SYTL5: variants seen among roughly 807,000 people sequenced by gnomAD.
SYTL5 encodes synaptotagmin like 5.
A neutral mutation model predicts 55.9 loss-of-function variants in SYTL5; 34 were observed. The ratio of observed to expected loss-of-function variants is 0.61; its 90% confidence interval spans 0.46 to 0.81. The LOEUF (loss-of-function observed/expected upper bound fraction) is 0.81. SYTL5 is among the 30% of genes least tolerant of loss of function. The probability of loss-of-function intolerance (pLI) is 0.00; values close to 1 mark genes in which losing one functional copy is unlikely to be tolerated. For synonymous variants in SYTL5, 221 were observed against 188.7 expected (o/e 1.17, Z -1.40); for missense variants, 637 against 546.7 (o/e 1.17, Z -1.65).
intron 1 of SYTL5, among the ~76,000 whole-genome samples, chrX:38,015,585 A>T: frequency 8.9e-6 from 1 of 111,910 alleles, no homozygotes; most frequent in East Asian, 2.8e-4. Context: ...GGAACCCCAT[A>T]GGACGTTAAA....
At chrX:37,960,766 TTTTA>T in the SYTL5 span, among the ~76,000 whole-genome samples, 26,597 of 80,516 alleles carry the variant, frequency 0.33, 4,209 homozygotes, top group Middle Eastern at 0.49. Context: ...TCCAGATTAT[TTTTA>T]TTTATTTATT....
rs1184783599 is a variant in SYTL5, at chrX:38,125,327, C to T, written c.1871C>T (p.Thr624Ile). 7.4e-6 allele frequency: 9 copies of T among 1,211,551 alleles called. No homozygotes were observed. The highest frequency in any genetic ancestry group is 1.8e-5 in the South Asian group (1 of 56,955). Reference protein sequence around the residue: ...GYLLPDDSKATKHKTLVIKKS... With the variant: ...GYLLPDDSKAIKHKTLVIKKS... ...CTGCTCCCTGATGATAGCAAAGCCA[C>T]CAAGCACAAAACTCTGGTAATAAAA... Residue 624 changes from threonine to isoleucine, a missense_variant, in exon 16 of 17, where the codon ACC becomes ATC. Coordinates refer to ENST00000297875, the MANE Select transcript of SYTL5 (RefSeq NM_138780.3).
At chrX:38,056,307 T>C (rs1935780953) in intron 3 of SYTL5, among the ~76,000 whole-genome samples, 1 of 112,385 alleles carries the variant, frequency 8.9e-6, no homozygotes, top group Non-Finnish European at 1.9e-5. Flanking sequence ...CATTCCTTTT[T>C]ATAGCTGAAT....
At chrX:38,077,638 G>C (rs752774974) in intron 6 of SYTL5, among the ~76,000 whole-genome samples, 40 of 109,109 alleles carry the variant, frequency 3.7e-4, no homozygotes, top group Admixed American at 3.3e-3. Context: ...GCATGCAAGC[G>C]TTACTTTATG....
chrX:37,911,728 C>A, the SYTL5 span, among the ~76,000 whole-genome samples: 32 of 111,024 alleles, frequency 2.9e-4, no homozygotes, highest in African/African-American at 6.9e-4. Context: ...AGAATTAAAT[C>A]GGTAAAATTC....
intron 9 of SYTL5, among the ~76,000 whole-genome samples, chrX:38,097,640 A>T (rs1333001415): frequency 1.8e-5 from 2 of 110,532 alleles, no homozygotes; most frequent in African/African-American, 6.5e-5. Flanking sequence ...CTCCAAATAA[A>T]TTTGTAGACA....
Position 38,106,632 on chromosome X carries a change from G to C in SYTL5, c.1195G>C (p.Gly399Arg), listed in dbSNP as rs1436666504. 10 of 1,208,170 alleles carry C rather than the reference G, an allele frequency of 8.3e-6. No individual in the cohort carries two copies. Among genetic ancestry groups the C allele is most frequent in the Non-Finnish European group, 1.1e-5 (10 of 894,072 alleles). Residue 399 changes from glycine to arginine, a missense_variant, in exon 11 of 17, where the codon GGA (glycine) becomes CGA (arginine). Coordinates refer to ENST00000297875, the MANE Select transcript of SYTL5 (RefSeq NM_138780.3). ...NSMMSVYSET[G>R]DYGNVKVSGE... ...CATGATGAGCGTTTACAGTGAAACG[G>C]GAGACTATGGCAACGTGAAAGTCAG... is the stretch of plus-strand genomic sequence containing the variant.
In SYTL5 at chrX:38,120,359, T is replaced by C. The variant is rs1398675399; in HGVS notation, c.1598T>C (p.Val533Ala). Reference protein sequence around the residue: ...TDEWFVLQPKVEFAPDIGLQY... With the variant: ...TDEWFVLQPKAEFAPDIGLQY... ...ACTTACTTGTTTCTCCTTGGCCAGG[T>C]GGAGTTTGCTCCTGATATTGGCCTT... Residue 533 changes from valine (V) to alanine (A), a missense_variant and splice_region_variant, in exon 14 of 17, where the codon GTG becomes GCG. Physicochemically the swap from Val to Ala is moderately conservative, Grantham distance 64. Coordinates refer to ENST00000297875, the MANE Select transcript of SYTL5 (RefSeq NM_138780.3). 1 of 1,203,796 alleles carries C rather than the reference T, an allele frequency of 8.3e-7. No individual in the cohort carries two copies. The highest frequency in any genetic ancestry group is 3.0e-5 in the East Asian group (1 of 33,786).
intron 3 of SYTL5, among the ~76,000 whole-genome samples, chrX:38,070,135 A>G (rs1936217281): frequency 9.0e-6 from 1 of 111,691 alleles, no homozygotes; most frequent in South Asian, 3.8e-4. Context: ...GGTGTTTCAT[A>G]TATAATTTAC....
At chrX:37,995,066 A>G in the SYTL5 span, among the ~76,000 whole-genome samples, 5 of 110,239 alleles carry the variant, frequency 4.5e-5, no homozygotes, top group African/African-American at 9.9e-5. Context: ...CAATGGTGAC[A>G]GTGAGGGTGC....
the SYTL5 span, among the ~76,000 whole-genome samples, chrX:37,927,425 C>T: frequency 1.8e-4 from 20 of 111,236 alleles, no homozygotes; most frequent in Admixed American, 6.7e-4. Context: ...AAGGCAGCTC[C>T]GACTGATAAA....
chrX:38,015,699 A>G (rs1602304015), intron 1 of SYTL5, among the ~76,000 whole-genome samples: 1 of 110,341 alleles, frequency 9.1e-6, no homozygotes, highest in African/African-American at 3.3e-5. Context: ...GAAGTGTACA[A>G]TTCAATGTTT....
the SYTL5 span, among the ~76,000 whole-genome samples, chrX:37,954,601 T>C: frequency 8.9e-6 from 1 of 112,371 alleles, no homozygotes; most frequent in Non-Finnish European, 1.9e-5. Context: ...AATTGACCTT[T>C]GCTTTCAATT....
Position 38,116,311 on chromosome X carries a change from C to T in SYTL5, c.1597-4047C>T, listed in dbSNP as rs142485636. On this transcript the variant is annotated intron_variant, in intron 13 of 16. Transcript: ENST00000297875. ...TTATGTATCTGTTCTTATGCCAGTA[C>T]CATGCTGTTTTGATTACTATAGTTT... 7.5e-3 allele frequency among the ~76,000 whole-genome samples: 841 copies of T among 112,232 alleles called. 27 individuals carry two copies. The highest frequency in any genetic ancestry group is 0.069 in the Admixed American group (730 of 10,589).
chrX:38,081,163 C>T (rs1030985667), intron 6 of SYTL5, among the ~76,000 whole-genome samples: 3 of 110,661 alleles, frequency 2.7e-5, no homozygotes, highest in African/African-American at 9.8e-5. Flanking sequence ...ACTGCTAATT[C>T]CTTTTTTTCC....
At chrX:37,960,251 C>A in the SYTL5 span, among the ~76,000 whole-genome samples, 1 of 112,281 alleles carries the variant, frequency 8.9e-6, no homozygotes, top group Non-Finnish European at 1.9e-5. Context: ...ATCACTTAGT[C>A]ACACCCTTGG....
chrX:38,041,017 A>G (rs1476775824), intron 2 of SYTL5, among the ~76,000 whole-genome samples: 2 of 111,960 alleles, frequency 1.8e-5, no homozygotes, highest in Non-Finnish European at 3.8e-5. Flanking sequence ...CTCAGTTGAA[A>G]TGCGCCACTA....
At chrX:37,913,871 T>C in the SYTL5 span, among the ~76,000 whole-genome samples, 1 of 112,296 alleles carries the variant, frequency 8.9e-6, no homozygotes, top group Non-Finnish European at 1.9e-5. Flanking sequence ...AATTTCCTAC[T>C]TCTATTCCCT....
At chrX:38,032,923 C>T (rs1021336834) in intron 1 of SYTL5, among the ~76,000 whole-genome samples, 3 of 111,276 alleles carry the variant, frequency 2.7e-5, no homozygotes, top group African/African-American at 9.8e-5. Flanking sequence ...ATGGGTCTCA[C>T]TATGTTGCCC....
Sources: allele counts gnomAD v4.1 joint callset (sites outside exome capture counted in the v4.1 genomes callset), GRCh38; gene constraint gnomAD v4.1.1; transcripts MANE v1.5; gene names NCBI Gene and HGNC (gene_info 2026-07-23, HGNC 2026-07-21).